The following WDR70 variants were observed in gnomAD, a reference collection of about 807,000 sequenced individuals.
WDR70 encodes the protein WD repeat-containing protein 70.
A neutral mutation model predicts 88.6 loss-of-function variants in WDR70; 53 were observed. The observed-to-expected ratio is 0.60, with a 90% confidence interval of 0.48 to 0.75. The LOEUF is 0.75. WDR70 is among the 30% of genes least tolerant of loss of function. The probability of loss-of-function intolerance (pLI) is 0.00; values close to 1 mark genes in which losing one functional copy is unlikely to be tolerated. For synonymous variants in WDR70, 280 were observed against 270.0 expected, an observed-to-expected ratio of 1.04 and a Z score of -0.36; for missense variants, 610 against 823.2, an observed-to-expected ratio of 0.74 and a Z score of 3.17.
At position 37,495,282 on chromosome 5, in the gene WDR70, G is replaced by A. The variant is rs533943305; in HGVS notation, c.840+15295G>A. Reference sequence around the variant, plus strand: ...TCCCTACTATTTTCTGCTGCATTTCGTCTCTTCTTGGGGGTAGGCTTTGTT... The same window carrying A: ...TCCCTACTATTTTCTGCTGCATTTCATCTCTTCTTGGGGGTAGGCTTTGTT... On this transcript the variant is annotated intron_variant, in intron 8 of 17. Coordinates refer to ENST00000265107, the MANE Select transcript of WDR70 (RefSeq NM_018034.4). Among the ~76,000 whole-genome samples, 23 of 152,102 alleles carry A rather than the reference G, an allele frequency of 1.5e-4. 1 individual carries two copies. In the South Asian group the frequency reaches 3.5e-3, roughly 23 times the overall value.
chr5:37,644,753 T>C (rs2112548223), intron 10 of WDR70, among the ~76,000 whole-genome samples: 1 of 152,194 alleles, frequency 6.6e-6, no homozygotes, highest in East Asian at 1.9e-4. Context: ...ATTTTCCAAT[T>C]TATTATATAA....
chr5:37,663,606 G>T (rs763935504), intron 10 of WDR70, among the ~76,000 whole-genome samples: 2 of 151,998 alleles, frequency 1.3e-5, no homozygotes, highest in Non-Finnish European at 2.9e-5. Flanking sequence ...ACTCTTCTCT[G>T]GTTTACGTTA....
intron 5 of WDR70, among the ~76,000 whole-genome samples, chr5:37,417,687 C>T (rs1046501019): frequency 1.3e-5 from 2 of 152,094 alleles, no homozygotes; most frequent in Non-Finnish European, 2.9e-5. Flanking sequence ...TGCAGGCGTG[C>T]ACCCCCATGC....
intron 9 of WDR70, among the ~76,000 whole-genome samples, chr5:37,528,476 T>C (rs1203435037): frequency 6.6e-6 from 1 of 151,926 alleles, no homozygotes; most frequent in African/African-American, 2.4e-5. Context: ...CCGGGGCCTG[T>C]TGTGGGTTAG....
chr5:37,528,088 A>G (rs1436622271), intron 9 of WDR70, among the ~76,000 whole-genome samples: 1 of 152,222 alleles, frequency 6.6e-6, no homozygotes, highest in Non-Finnish European at 1.5e-5. Flanking sequence ...TCGAGGATCT[A>G]TAACTAGAAA....
intron 7 of WDR70, among the ~76,000 whole-genome samples, chr5:37,464,859 C>G (rs543005290): frequency 6.7e-4 from 102 of 152,234 alleles, no homozygotes; most frequent in Non-Finnish European, 1.1e-3. Flanking sequence ...AAGAGGAGCA[C>G]ACAAGACTCT....
chr5:37,722,258 A>G (rs1747843717), intron 14 of WDR70: 1 of 152,210 alleles, frequency 6.6e-6, no homozygotes, highest in African/African-American at 2.4e-5. Flanking sequence ...TTTCTGTGGA[A>G]GCTTTGCTTT....
At chr5:37,497,949 G>A (rs1009747630) in intron 8 of WDR70, among the ~76,000 whole-genome samples, 9 of 152,150 alleles carry the variant, frequency 5.9e-5, no homozygotes, top group Admixed American at 5.2e-4. Flanking sequence ...GGCCTCCCGA[G>A]TAGCTGGGAT....
At chr5:37,542,103 T>G (rs1015387731) in intron 9 of WDR70, among the ~76,000 whole-genome samples, 2 of 152,154 alleles carry the variant, frequency 1.3e-5, no homozygotes, top group African/African-American at 4.8e-5. Flanking sequence ...GAAATACTAA[T>G]TTAGGCTCTC....
chr5:37,479,599 G>T (rs1252899014), intron 7 of WDR70: 5 of 353,844 alleles, frequency 1.4e-5, no homozygotes, highest in Non-Finnish European at 2.6e-5. Flanking sequence ...TTGAACTCCT[G>T]ACCTCAGGTG....
chr5:37,641,564 G>T (rs1011166667), intron 10 of WDR70, among the ~76,000 whole-genome samples: 2 of 151,894 alleles, frequency 1.3e-5, no homozygotes, highest in Non-Finnish European at 2.9e-5. Context: ...TTACAGACAT[G>T]TGCCACTACG....
At chr5:37,746,972 G>C (rs1463771977) in intron 17 of WDR70, among the ~76,000 whole-genome samples, 1 of 152,090 alleles carries the variant, frequency 6.6e-6, no homozygotes, top group African/African-American at 2.4e-5. Flanking sequence ...ACACAAAAAA[G>C]AAAACTTCAG....
chr5:37,674,109 T>C (rs1746121680), intron 10 of WDR70, among the ~76,000 whole-genome samples: 1 of 151,958 alleles, frequency 6.6e-6, no homozygotes, highest in African/African-American at 2.4e-5. Context: ...AATAGAATGA[T>C]TAATATTCCT....
chr5:37,745,588 C>T (rs1748612910), intron 17 of WDR70, among the ~76,000 whole-genome samples: 1 of 148,412 alleles, frequency 6.7e-6, no homozygotes, highest in African/African-American at 2.6e-5. Context: ...GGAAAATCTA[C>T]CAAGTAAATG....
intron 17 of WDR70, among the ~76,000 whole-genome samples, chr5:37,741,170 G>A (rs988573989): frequency 3.3e-5 from 5 of 151,298 alleles, no homozygotes; most frequent in Admixed American, 2.6e-4. Flanking sequence ...CCCTCTCCAA[G>A]GCACCTCCTT....
intron 14 of WDR70, chr5:37,722,575 C>G: frequency 2.9e-6 from 1 of 347,128 alleles, no homozygotes. Context: ...CTTAAAATTT[C>G]ACATTATTCC....
chr5:37,706,391 A>G (rs747607542), intron 13 of WDR70, among the ~76,000 whole-genome samples: 8 of 152,170 alleles, frequency 5.3e-5, no homozygotes, highest in Non-Finnish European at 1.0e-4. Flanking sequence ...GTCCCCACCC[A>G]AATCTCATCT....
At chr5:37,665,004 A>G (rs927052629) in intron 10 of WDR70, among the ~76,000 whole-genome samples, 2 of 152,224 alleles carry the variant, frequency 1.3e-5, no homozygotes, top group Non-Finnish European at 2.9e-5. Context: ...GTCTGTACGA[A>G]TATGTAGGTC....
chr5:37,421,232 T>A (rs1178616207), intron 5 of WDR70, among the ~76,000 whole-genome samples: 1 of 152,242 alleles, frequency 6.6e-6, no homozygotes, highest in Non-Finnish European at 1.5e-5. Flanking sequence ...CACTACTGGT[T>A]GTGACCTGTT....
Sources: gnomAD v4.1 joint callset for allele counts (sites outside exome capture counted in the v4.1 genomes callset) on GRCh38, gnomAD v4.1.1 for gene constraint, MANE v1.5 for transcripts, NCBI Gene and HGNC (gene_info 2026-07-23, HGNC 2026-07-21) for gene names.